Variants in BAIAP2L1 observed in about 807,000 individuals in gnomAD.
BAIAP2L1 encodes BAR/IMD domain-containing adapter protein 2-like 1.
A neutral mutation model predicts 66.3 loss-of-function variants in BAIAP2L1; 35 were observed. The ratio of observed to expected loss-of-function variants is 0.53; its 90% CI spans 0.40 to 0.70. The LOEUF (loss-of-function observed/expected upper bound fraction) is 0.70. BAIAP2L1 is among the 30% of genes least tolerant of loss of function. The probability of loss-of-function intolerance (pLI) is 0.00; values close to 1 mark genes in which losing one functional copy is unlikely to be tolerated. For missense variants in BAIAP2L1, 622 were observed against 656.9 expected (o/e 0.95, Z 0.58); for synonymous variants, 269 against 248.7 (o/e 1.08, Z -0.77).
chr7:98,323,704 T>TGCGG (rs1166957386), intron 3 of BAIAP2L1, among the ~76,000 whole-genome samples: 1 of 152,214 alleles, frequency 6.6e-6, no homozygotes, highest in African/African-American at 2.4e-5. Context: ...TCTTTCACTC[T>TGCGG]GCGGGCAGGC....
intron 6 of BAIAP2L1, 26 bp downstream of exon 6, chr7:98,317,193 A>G (rs1296772338): frequency 1.2e-6 from 2 of 1,614,024 alleles, no homozygotes; most frequent in South Asian, 2.2e-5. Context: ...CAACAAAAGA[A>G]AACAAGATAT....
chr7:98,391,307 A>G (rs1351355780), intron 1 of BAIAP2L1, among the ~76,000 whole-genome samples: 1 of 151,992 alleles, frequency 6.6e-6, no homozygotes, highest in Non-Finnish European at 1.5e-5. Context: ...TTTTTCTTCT[A>G]TTTTTTAAAG....
chr7:98,354,914 G>A (rs951189175), intron 3 of BAIAP2L1, 128 bp downstream of exon 3: 11 of 708,688 alleles, frequency 1.6e-5, no homozygotes, highest in African/African-American at 1.0e-4. Flanking sequence ...CACAGACCGC[G>A]GTGAAGTAGA....
chr7:98,326,480 T>G (rs1801384093), intron 3 of BAIAP2L1, among the ~76,000 whole-genome samples: 3 of 152,094 alleles, frequency 2.0e-5, no homozygotes, highest in Admixed American at 1.3e-4. Context: ...CTAACTAACT[T>G]AACTAACTAG....
chr7:98,293,689 C>A, intron 13 of BAIAP2L1, 93 bp from the exon 14 acceptor site: 1 of 1,282,054 alleles, frequency 7.8e-7, no homozygotes, highest in South Asian at 1.2e-5. Flanking sequence ...CCCTGTGAGA[C>A]TGGGCGGCTG....
intron 6 of BAIAP2L1, 30 bp from the exon 7 acceptor site, chr7:98,315,642 A>ATAATAC: frequency 1.8e-6 from 2 of 1,081,396 alleles, no homozygotes; most frequent in East Asian, 3.3e-5. Context: ...AATAATAATA[A>ATAATAC]TTATATAAGC....
In BAIAP2L1 at chr7:98,330,894, G is replaced by T. The variant is rs376114453; in HGVS notation, c.215-10596C>A. ...ATAGAGTGAGAACTCACTTATTACT[G>T]CAAGGAGGGCACCAAGCCTTTCACG... On this transcript the variant is annotated intron_variant, in intron 3 of 13. Transcript: ENST00000005260. 1.2e-3 allele frequency among the ~76,000 whole-genome samples: 181 copies of T among 152,194 alleles called. 1 individual carries two copies. The highest frequency in any genetic ancestry group is 4.0e-3 in the African/African-American group (168 of 41,536).
At chr7:98,373,904 C>T (rs373140118) in intron 1 of BAIAP2L1, among the ~76,000 whole-genome samples, 21 of 152,078 alleles carry the variant, frequency 1.4e-4, no homozygotes, top group Admixed American at 7.2e-4. Flanking sequence ...GAGAAGGGTA[C>T]GGGACAAAGG....
chr7:98,302,800 T>A (rs1173157552), intron 12 of BAIAP2L1, among the ~76,000 whole-genome samples: 1 of 152,190 alleles, frequency 6.6e-6, no homozygotes, highest in African/African-American at 2.4e-5. Flanking sequence ...CATTTTTCTT[T>A]TTTTATGAGA....
rs760050605 is a variant in BAIAP2L1, at chr7:98,304,318, T to C, written c.1300A>G (p.Ile434Val). 9.3e-6 allele frequency: 15 copies of C among 1,613,276 alleles called. No individual in the cohort carries two copies. Among genetic ancestry groups the C allele is most frequent in the South Asian group, 3.3e-5 (3 of 90,928 alleles). ...VNLSENSSVVIPPPDYLECLS... is the reference protein window; with the variant it reads ...VNLSENSSVVVPPPDYLECLS... The stretch of plus-strand genomic sequence containing the variant: ...CATTCCAAGTAGTCGGGTGGGGGGA[T>C]GACAACACTGCTATTCTCAGACAAG... Residue 434 changes from isoleucine (I) to valine (V), a missense_variant, in exon 12 of 14, where the codon ATC (isoleucine) becomes GTC (valine). By Grantham distance (29) the Ile-to-Val change is conservative. Transcript: ENST00000005260.
At chr7:98,388,744 C>T (rs1300477526) in intron 1 of BAIAP2L1, among the ~76,000 whole-genome samples, 2 of 152,104 alleles carry the variant, frequency 1.3e-5, no homozygotes, top group African/African-American at 4.8e-5. Flanking sequence ...GAGACCGATG[C>T]AGGCAGACGG....
Position 98,292,919 on chromosome 7 carries a change from C to G in BAIAP2L1, c.*602G>C. On this transcript the variant is annotated 3_prime_UTR_variant, in exon 14 of 14. Transcript: ENST00000005260. ...TACGTGTGGCTGTGATAAGGGCAGG[C>G]AAAGCGTCTTAGCACTCTACAGCTC... The G allele has an allele frequency of 7.1e-7, 1 of 1,398,664 alleles. No individual in the cohort carries two copies. Among genetic ancestry groups the G allele is most frequent in the Non-Finnish European group, 9.3e-7 (1 of 1,078,708 alleles). The allele number at this position is 1,398,664 out of a possible 1,614,324, so 86.6% of individuals were successfully genotyped here. A position where few individuals can be genotyped will look rare whatever the true frequency, so the allele number is the denominator to read the frequency against.
intron 12 of BAIAP2L1, among the ~76,000 whole-genome samples, chr7:98,295,575 T>C (rs758911685): frequency 5.3e-5 from 8 of 152,164 alleles, no homozygotes; most frequent in Admixed American, 6.5e-5. Context: ...TCGTGGACTC[T>C]GTTGCAGAAG....
chr7:98,365,991 C>T lies in BAIAP2L1; in HGVS notation c.52-3559G>A, dbSNP rs539865659. Among the ~76,000 whole-genome samples the T allele has an allele frequency of 7.2e-5, 11 of 152,234 alleles. No individual in the cohort carries two copies. In the East Asian group the frequency reaches 1.9e-3, roughly 27 times the overall value. On this transcript the variant is annotated intron_variant, in intron 1 of 13. Coordinates refer to ENST00000005260, the MANE Select transcript of BAIAP2L1 (RefSeq NM_018842.5). ...CCAGTTTGTATTGAGGCGTGCAGCC[C>T]GTCACTGCCGGCTGGAAGCTGTGGG...
intron 1 of BAIAP2L1, among the ~76,000 whole-genome samples, chr7:98,394,641 A>T (rs572681891): frequency 6.6e-6 from 1 of 152,324 alleles, no homozygotes; most frequent in African/African-American, 2.4e-5. Context: ...TGGAATGGCA[A>T]CTGGTGCGTC....
intron 1 of BAIAP2L1, among the ~76,000 whole-genome samples, chr7:98,397,187 C>A (rs1432886187): frequency 2.0e-5 from 3 of 151,978 alleles, no homozygotes; most frequent in African/African-American, 7.3e-5. Flanking sequence ...ATCTGAGAGT[C>A]TGAGCATACT....
At chr7:98,306,697 T>C (rs1371884356) in intron 10 of BAIAP2L1, 181 bp from the exon 11 acceptor site, 3 of 903,258 alleles carry the variant, frequency 3.3e-6, no homozygotes, top group Non-Finnish European at 3.2e-6. Context: ...CACTGAACAA[T>C]GTGTATTGTT....
At chr7:98,396,254 A>C (rs547581022) in intron 1 of BAIAP2L1, among the ~76,000 whole-genome samples, 2 of 151,926 alleles carry the variant, frequency 1.3e-5, no homozygotes, top group Non-Finnish European at 2.9e-5. Context: ...ATCTTTGTAG[A>C]GGTAGGGTCT....
At chr7:98,395,266 G>A (rs1013592576) in intron 1 of BAIAP2L1, among the ~76,000 whole-genome samples, 7 of 151,656 alleles carry the variant, frequency 4.6e-5, no homozygotes, top group African/African-American at 9.7e-5. Flanking sequence ...GGTGAAACCC[G>A]ATCTCTACTA....
Sources: gnomAD v4.1 joint callset for allele counts (sites outside exome capture counted in the v4.1 genomes callset) on GRCh38, gnomAD v4.1.1 for gene constraint, MANE v1.5 for transcripts, NCBI Gene and HGNC (gene_info 2026-07-23, HGNC 2026-07-21) for gene names.